PHF21B: variants seen among roughly 807,000 people sequenced by gnomAD.
The protein encoded by PHF21B is PHD finger protein 4.
PHF21B carries 22 observed loss-of-function variants against 62.2 expected under a neutral mutation model. The observed-to-expected ratio is 0.35, with a 90% CI of 0.25 to 0.51. PHF21B has a LOEUF of 0.51. Ranked by LOEUF, PHF21B falls within the 20% of genes least tolerant of loss-of-function variation. The pLI is 0.97. For synonymous variants in PHF21B, 341 were observed against 314.7 expected (o/e 1.08, Z -0.88); for missense variants, 701 against 707.9 (o/e 0.99, Z 0.11).
At chr22:44,987,122 A>G (rs2072964162) in intron 2 of PHF21B, among the ~76,000 whole-genome samples, 1 of 152,244 alleles carries the variant, frequency 6.6e-6, no homozygotes, top group Non-Finnish European at 1.5e-5. Flanking sequence ...CTTGAGACAA[A>G]CAACTTTGGT....
At chr22:44,919,676 C>T (rs770737789) in intron 3 of PHF21B, among the ~76,000 whole-genome samples, 9 of 152,252 alleles carry the variant, frequency 5.9e-5, no homozygotes, top group African/African-American at 1.7e-4. Flanking sequence ...ATGCTATATA[C>T]AGCAAGTGCT....
intron 5 of PHF21B, among the ~76,000 whole-genome samples, chr22:44,910,124 T>C (rs2071320160): frequency 1.3e-5 from 2 of 152,154 alleles, no homozygotes; most frequent in South Asian, 4.1e-4. Flanking sequence ...AGGTTTCCTT[T>C]GGTAATGACA....
chr22:45,009,426 G>A lies in PHF21B; in HGVS notation c.54+70C>T. 7.0e-7 allele frequency: 1 copy of A among 1,426,426 alleles called. No homozygotes were observed. Among genetic ancestry groups the A allele is most frequent in the Non-Finnish European group, 9.3e-7 (1 of 1,070,016 alleles). The allele number at this position is 1,426,426 out of a possible 1,614,324, so 88.4% of individuals were successfully genotyped here. ...AGAGACCCGGAAGAGAGGATGCTGG[G>A]CTCGGGTCCCCCGACCCCCTCACCC... is the stretch of plus-strand genomic sequence containing the variant. On this transcript the variant is annotated intron_variant, in intron 1 of 12. Transcript: ENST00000313237. The surrounding 1 kb of genome is among the most constrained non-coding windows in gnomAD (Gnocchi z 5.9).
chr22:44,921,522 C>T (rs1041524375), intron 2 of PHF21B, among the ~76,000 whole-genome samples: 27 of 151,304 alleles, frequency 1.8e-4, no homozygotes, highest in Non-Finnish European at 3.5e-4. Context: ...GCTGCCACCA[C>T]GCCTGGCTAA....
At chr22:45,006,973 T>C (rs2073325534) in intron 2 of PHF21B, among the ~76,000 whole-genome samples, 1 of 151,502 alleles carries the variant, frequency 6.6e-6, no homozygotes, top group Admixed American at 6.6e-5. Context: ...ATCAAAGCAA[T>C]CAAAATGGTA....
chr22:45,008,902 G>A, intron 1 of PHF21B: 1 of 1,135,248 alleles, frequency 8.8e-7, no homozygotes, highest in Non-Finnish European at 1.1e-6. Flanking sequence ...GCGTGTGCGA[G>A]TGAGTGTGAG....
intron 2 of PHF21B, among the ~76,000 whole-genome samples, chr22:44,986,843 C>A (rs1279624733): frequency 1.3e-5 from 2 of 150,952 alleles, no homozygotes; most frequent in Non-Finnish European, 3.0e-5. Context: ...AGGGCAGGTG[C>A]AGGCGGGGTC....
intron 5 of PHF21B, among the ~76,000 whole-genome samples, chr22:44,905,445 T>C (rs146776182): frequency 9.8e-5 from 15 of 152,364 alleles, no homozygotes; most frequent in African/African-American, 3.4e-4. Context: ...ACATTACTCC[T>C]TTCTTTGTGG....
At chr22:44,969,603 T>C (rs2072597813) in intron 2 of PHF21B, among the ~76,000 whole-genome samples, 1 of 151,596 alleles carries the variant, frequency 6.6e-6, no homozygotes, top group South Asian at 2.1e-4. Flanking sequence ...GAGGTAGAGG[T>C]TACAGTGAGC....
At chr22:44,989,062 G>T in intron 2 of PHF21B, 1 of 152,328 alleles carries the variant, frequency 6.6e-6, no homozygotes. Flanking sequence ...TCATCTCGGG[G>T]TGAGGTTTCA....
At chr22:44,904,040 CT>C (rs149036430) in intron 5 of PHF21B, among the ~76,000 whole-genome samples, 5,266 of 151,714 alleles carry the variant, frequency 0.035, 289 homozygotes, top group African/African-American at 0.12. Flanking sequence ...TCCACATTCA[CT>C]TTTTTTTTCC....
At chr22:44,911,365 A>G (rs180831106) in intron 5 of PHF21B, among the ~76,000 whole-genome samples, 1 of 152,300 alleles carries the variant, frequency 6.6e-6, no homozygotes, top group African/African-American at 2.4e-5. Context: ...AAATGTCTCC[A>G]GGGAATGTCA....
intron 6 of PHF21B, among the ~76,000 whole-genome samples, chr22:44,894,815 A>C (rs1260319382): frequency 2.0e-5 from 3 of 152,084 alleles, no homozygotes; most frequent in Non-Finnish European, 4.4e-5. Flanking sequence ...GTCTTCTCGG[A>C]GCCTGCATGG....
At chr22:44,986,017 GC>G (rs2072940206) in intron 2 of PHF21B, among the ~76,000 whole-genome samples, 1 of 142,114 alleles carries the variant, frequency 7.0e-6, no homozygotes. Context: ...ATCACCAGCA[GC>G]AGCACCACCA....
intron 2 of PHF21B, among the ~76,000 whole-genome samples, chr22:44,936,474 G>C (rs1402104861): frequency 1.3e-5 from 2 of 152,182 alleles, no homozygotes; most frequent in Admixed American, 1.3e-4. Context: ...ATCTGCGTGT[G>C]ACATCCCACC....
chr22:45,005,618 G>C (rs2073301749), intron 2 of PHF21B, among the ~76,000 whole-genome samples: 1 of 152,182 alleles, frequency 6.6e-6, no homozygotes, highest in South Asian at 2.1e-4. Flanking sequence ...GAAATTCATG[G>C]TTGGGCCCTG....
Position 44,914,011 on chromosome 22 carries a change from G to A in PHF21B, c.642C>T (p.Thr214=), listed in dbSNP as rs984835748. ...AAGGGGACAGTGATGGGGAGGGAGGGGTGAGGGGAAGAGAGGAGGGGTGGA... is the reference window on the plus strand; with the variant it reads ...AAGGGGACAGTGATGGGGAGGGAGGAGTGAGGGGAAGAGAGGAGGGGTGGA... ...CPLHPSSLPL[T]PPSPSLSPSP... is the part of the protein sequence containing the mutation. Residue 214 remains threonine, a synonymous_variant, in exon 5 of 13, where the codon ACC becomes ACT. Transcript: ENST00000313237. 2.0e-6 allele frequency: 3 copies of A among 1,483,430 alleles called. No homozygotes were observed. The highest frequency in any genetic ancestry group is 2.8e-5 in the African/African-American group (2 of 71,652). The allele number at this position is 1,483,430 out of a possible 1,614,324, so 91.9% of individuals were successfully genotyped here. A position where few individuals can be genotyped will look rare whatever the true frequency, so the allele number is the denominator to read the frequency against.
At chr22:44,984,545 G>C (rs2072913651) in intron 2 of PHF21B, among the ~76,000 whole-genome samples, 1 of 152,168 alleles carries the variant, frequency 6.6e-6, no homozygotes, top group Admixed American at 6.5e-5. Context: ...GCAGTCAAGG[G>C]GCTGGCTCTG....
chr22:44,928,272 G>A (rs905088447), intron 2 of PHF21B, among the ~76,000 whole-genome samples: 2 of 151,996 alleles, frequency 1.3e-5, no homozygotes, highest in Admixed American at 6.6e-5. Flanking sequence ...CGCCGTCCTC[G>A]AACTGCCAGG....
Sources: gnomAD v4.1 joint callset for allele counts (sites outside exome capture counted in the v4.1 genomes callset) on GRCh38, gnomAD v4.1.1 for gene constraint, Gnocchi (gnomAD v3.1) non-coding constraint, MANE v1.5 for transcripts, NCBI Gene and HGNC (gene_info 2026-07-23, HGNC 2026-07-21) for gene names.